Variants in CPNE8 observed in about 807,000 individuals in gnomAD.
CPNE8 encodes the protein copine-8.
In CPNE8, 45 loss-of-function variants were observed where a neutral mutation model predicts 81.5. The ratio of observed to expected loss-of-function variants is 0.55; its 90% confidence interval spans 0.44 to 0.71. The LOEUF (loss-of-function observed/expected upper bound fraction) is 0.71. CPNE8 is among the 30% of genes least tolerant of loss of function. The pLI is 0.00. For missense variants in CPNE8, 594 were observed against 672.1 expected (o/e 0.88, Z 1.28); for synonymous variants, 252 against 226.3 (o/e 1.11, Z -1.02).
chr12:38,903,084 T>G (rs1592167090), intron 1 of CPNE8, among the ~76,000 whole-genome samples: 1 of 152,290 alleles, frequency 6.6e-6, no homozygotes, highest in East Asian at 1.9e-4. Flanking sequence ...ACTCAAATAT[T>G]TTTATCTTTG....
intron 6 of CPNE8, among the ~76,000 whole-genome samples, chr12:38,822,662 C>A (rs1345066742): frequency 6.6e-6 from 1 of 152,078 alleles, no homozygotes; most frequent in Non-Finnish European, 1.5e-5. Context: ...AATTGTAACA[C>A]CCAGGTCTGA....
At chr12:38,710,499 G>C (rs2136708376) in intron 13 of CPNE8, among the ~76,000 whole-genome samples, 1 of 152,192 alleles carries the variant, frequency 6.6e-6, no homozygotes, top group African/African-American at 2.4e-5. Context: ...TCATATGACA[G>C]ACAGGTAACA....
chr12:38,783,465 G>A (rs936574272), intron 6 of CPNE8, among the ~76,000 whole-genome samples: 1 of 152,114 alleles, frequency 6.6e-6, no homozygotes, highest in Non-Finnish European at 1.5e-5. Flanking sequence ...CCGTGTGCTG[G>A]GGAGAGGGGA....
intron 7 of CPNE8, among the ~76,000 whole-genome samples, chr12:38,768,607 T>A (rs1012630791): frequency 2.2e-4 from 34 of 151,962 alleles, no homozygotes; most frequent in African/African-American, 7.0e-4. Flanking sequence ...GCAAGCTCCA[T>A]CTCCTGGGTT....
chr12:38,811,830 C>T (rs1942942087), intron 6 of CPNE8, among the ~76,000 whole-genome samples: 1 of 152,186 alleles, frequency 6.6e-6, no homozygotes, highest in African/African-American at 2.4e-5. Flanking sequence ...TATGATTGTG[C>T]CACTGCATTC....
chr12:38,810,062 G>T (rs1592111830), intron 6 of CPNE8, among the ~76,000 whole-genome samples: 1 of 152,166 alleles, frequency 6.6e-6, no homozygotes, highest in Non-Finnish European at 1.5e-5. Context: ...GCAAGAAATT[G>T]CAATTGAGTA....
chr12:38,814,899 G>A (rs1592115254), intron 6 of CPNE8, among the ~76,000 whole-genome samples: 2 of 151,984 alleles, frequency 1.3e-5, no homozygotes, highest in East Asian at 3.9e-4. Flanking sequence ...ATTATATTTT[G>A]GTAGTGAATA....
At chr12:38,811,856 A>C (rs931416566) in intron 6 of CPNE8, among the ~76,000 whole-genome samples, 1 of 152,228 alleles carries the variant, frequency 6.6e-6, no homozygotes. Context: ...TGGGTGACAG[A>C]GCAAGATTCC....
chr12:38,874,608 T>A, intron 1 of CPNE8, 97 bp from the exon 2 acceptor site: 3 of 722,662 alleles, frequency 4.2e-6, no homozygotes, highest in Non-Finnish European at 6.9e-6. Context: ...ATTGTGTATA[T>A]ATATATAAAC....
At chr12:38,705,947 T>C (rs761282521) in intron 13 of CPNE8, among the ~76,000 whole-genome samples, 1 of 152,172 alleles carries the variant, frequency 6.6e-6, no homozygotes, top group Middle Eastern at 3.4e-3. Flanking sequence ...ATTATACATA[T>C]CACACATTAT....
chr12:38,844,754 G>T (rs1296767416), intron 4 of CPNE8, among the ~76,000 whole-genome samples: 3 of 151,944 alleles, frequency 2.0e-5, no homozygotes, highest in Non-Finnish European at 4.4e-5. Flanking sequence ...ATTTTTTTAA[G>T]TTTATAAAAG....
rs1366355307 is a variant in CPNE8, at chr12:38,788,979, C to T, written c.408-12678G>A. Among the ~76,000 whole-genome samples the T allele has an allele frequency of 2.0e-5, 3 of 151,744 alleles. No individual in the cohort carries two copies. In the East Asian group the frequency reaches 5.8e-4, roughly 29 times the overall value. Reference sequence around the variant, plus strand: ...GACACCAAAAAATGAAAAGATATTCCATGTTTATGGATTGGAATAATTCAA... The same window carrying T: ...GACACCAAAAAATGAAAAGATATTCTATGTTTATGGATTGGAATAATTCAA... On this transcript the variant is annotated intron_variant, in intron 6 of 19. Transcript: ENST00000331366.
At chr12:38,781,528 AG>A (rs1444923474) in intron 6 of CPNE8, among the ~76,000 whole-genome samples, 1 of 152,076 alleles carries the variant, frequency 6.6e-6, no homozygotes, top group Non-Finnish European at 1.5e-5. Flanking sequence ...TAAATTGAAA[AG>A]GGTTGCAAGA....
At chr12:38,796,365 AT>A (rs1228114122) in intron 6 of CPNE8, among the ~76,000 whole-genome samples, 5 of 152,166 alleles carry the variant, frequency 3.3e-5, no homozygotes. Flanking sequence ...AATAATGCAA[AT>A]TTAGGGCAAT....
chr12:38,747,504 C>T (rs567193796), intron 10 of CPNE8, among the ~76,000 whole-genome samples: 2 of 152,060 alleles, frequency 1.3e-5, no homozygotes, highest in East Asian at 1.9e-4. Context: ...TACAGAATTG[C>T]ATTAAAAAAG....
chr12:38,687,054 CAG>C (rs1280498153), intron 15 of CPNE8, among the ~76,000 whole-genome samples: 1 of 152,136 alleles, frequency 6.6e-6, no homozygotes, highest in Non-Finnish European at 1.5e-5. Flanking sequence ...TACATTTAAA[CAG>C]AGTTAGGAAT....
chr12:38,762,224 GA>G lies in CPNE8; in HGVS notation c.576-9del, dbSNP rs1468217315. 6.7e-7 allele frequency: 1 copy of G among 1,492,688 alleles called. No homozygotes were observed. The highest frequency in any genetic ancestry group is 9.2e-7 in the Non-Finnish European group (1 of 1,085,962). The allele number at this position is 1,492,688 out of a possible 1,614,324, so 92.5% of individuals were successfully genotyped here. A position where few individuals can be genotyped will look rare whatever the true frequency, so the allele number is the denominator to read the frequency against. ...TTGTGACAAATTGTAAAACTATAAA[GA>G]AAGAGTTTTCAGTTATTTGCATGCT... On this transcript the variant is annotated splice_polypyrimidine_tract_variant and intron_variant, in intron 8 of 19. Coordinates refer to ENST00000331366, the MANE Select transcript of CPNE8 (RefSeq NM_153634.3).
At chr12:38,717,694 C>T (rs897462083) in intron 13 of CPNE8, among the ~76,000 whole-genome samples, 1 of 151,282 alleles carries the variant, frequency 6.6e-6, no homozygotes, top group African/African-American at 2.4e-5. Context: ...GGATTAAATA[C>T]TACATATTGG....
chr12:38,681,395 G>C (rs1035919814), intron 16 of CPNE8, among the ~76,000 whole-genome samples: 1 of 152,012 alleles, frequency 6.6e-6, no homozygotes, highest in Non-Finnish European at 1.5e-5. Context: ...TAGTATTTTA[G>C]ACATTCAACA....
Sources: gnomAD v4.1 joint callset for allele counts (sites outside exome capture counted in the v4.1 genomes callset) on GRCh38, gnomAD v4.1.1 for gene constraint, MANE v1.5 for transcripts, NCBI Gene and HGNC (gene_info 2026-07-23, HGNC 2026-07-21) for gene names.